The following RNF19B variants were observed in gnomAD, a reference collection of about 807,000 sequenced individuals.
The protein encoded by RNF19B is ring finger protein 19B.
Under a neutral mutation model 65.5 loss-of-function variants are expected in RNF19B, and 23 were observed. The observed-to-expected ratio is 0.35, with a 90% CI of 0.25 to 0.50. RNF19B has a LOEUF of 0.50. Among genes scored for constraint, RNF19B ranks in the 20% least tolerant of loss-of-function variants. The probability of loss-of-function intolerance (pLI) is 0.98; values close to 1 mark genes in which losing one functional copy is unlikely to be tolerated. For synonymous variants in RNF19B, 372 were observed against 379.6 expected (o/e 0.98, Z 0.23); for missense variants, 794 against 980.0 (o/e 0.81, Z 2.53).
At chr1:32,953,005 T>C in intron 1 of RNF19B, among the ~76,000 whole-genome samples, 1 of 150,240 alleles carries the variant, frequency 6.7e-6, no homozygotes, top group Non-Finnish European at 1.5e-5. Flanking sequence ...TCCCACTCTG[T>C]TGCCCAGCTT....
intron 1 of RNF19B, among the ~76,000 whole-genome samples, chr1:32,960,833 CAAA>C (rs1000301037): frequency 6.6e-6 from 1 of 151,856 alleles, no homozygotes; most frequent in Non-Finnish European, 1.5e-5. Flanking sequence ...CCTATCTCTA[CAAA>C]TAATAATAAT....
At chr1:32,955,002 C>T (rs1642600844) in intron 1 of RNF19B, among the ~76,000 whole-genome samples, 1 of 152,118 alleles carries the variant, frequency 6.6e-6, no homozygotes, top group Non-Finnish European at 1.5e-5. Context: ...GTGTCATTTT[C>T]TCTGTAAAAT....
chr1:32,931,539 AG>A (rs1467626313), downstream of RNF19B, among the ~76,000 whole-genome samples: 1 of 152,224 alleles, frequency 6.6e-6, no homozygotes, highest in African/African-American at 2.4e-5. Context: ...AATCCACTCA[AG>A]GGTCCCCATT....
At chr1:32,953,383 G>A (rs194651) in intron 1 of RNF19B, among the ~76,000 whole-genome samples, 28,236 of 151,934 alleles carry the variant, frequency 0.19, 3,372 homozygotes, top group East Asian at 0.25. Flanking sequence ...CTCAAATAAC[G>A]TGTACAAAAA....
downstream of RNF19B, among the ~76,000 whole-genome samples, chr1:32,931,838 A>G (rs1642032593): frequency 6.6e-6 from 1 of 152,242 alleles, no homozygotes; most frequent in African/African-American, 2.4e-5. Flanking sequence ...TTGAGGTGCC[A>G]ACGTCTTTTC....
downstream of RNF19B, among the ~76,000 whole-genome samples, chr1:32,935,803 T>G (rs1796781): frequency 0.16 from 23,675 of 151,544 alleles, 2,693 homozygotes; most frequent in African/African-American, 0.32. Flanking sequence ...CAGTCTGGAG[T>G]TGCAGTGATG....
At chr1:32,955,566 C>CAA (rs201046456) in intron 1 of RNF19B, among the ~76,000 whole-genome samples, 2 of 137,630 alleles carry the variant, frequency 1.5e-5, no homozygotes, top group East Asian at 4.1e-4. Context: ...CCCATCTCTA[C>CAA]AAAAAAAAAA....
At chr1:32,931,095 A>C in the RNF19B span, among the ~76,000 whole-genome samples, 2 of 152,076 alleles carry the variant, frequency 1.3e-5, no homozygotes, top group African/African-American at 4.8e-5. Context: ...CTCCAAAAAA[A>C]AAAAAATTCT....
Position 32,964,323 on chromosome 1 carries a change from C to A in RNF19B, c.363G>T (p.Leu121=). 1 of 1,504,076 alleles carries A rather than the reference C, an allele frequency of 6.6e-7. No individual in the cohort carries two copies. Among genetic ancestry groups the A allele is most frequent in the Non-Finnish European group, 8.8e-7 (1 of 1,132,954 alleles). 93.2% of individuals were successfully genotyped at this position (1,504,076 alleles called of 1,614,324 possible). A position where few individuals can be genotyped will look rare whatever the true frequency, so the allele number is the denominator to read the frequency against. Residue 121 remains leucine (L), a synonymous_variant, in exon 1 of 9, where the codon CTG becomes CTT. Transcript: ENST00000235150. This position sits in a 1 kb window ranked among gnomAD's most constrained non-coding sequence, Gnocchi z 6.5. ...GCTCAGGCGGCAGCCGCACCAGGCA[C>A]AGCGGACACTCCACCTCCTCCGCGC... ...GPGAEEVECP[L]CLVRLPPERA...
chr1:32,958,438 C>T (rs367907941), intron 1 of RNF19B, among the ~76,000 whole-genome samples: 1 of 151,964 alleles, frequency 6.6e-6, no homozygotes, highest in African/African-American at 2.4e-5. Flanking sequence ...TGGAGATGGC[C>T]GGGCGTGGTG....
intron 6 of RNF19B, among the ~76,000 whole-genome samples, chr1:32,942,966 C>T (rs1372382281): frequency 2.0e-5 from 3 of 151,174 alleles, no homozygotes; most frequent in African/African-American, 7.3e-5. Context: ...CGGTGAAACC[C>T]CATCTCTACT....
chr1:32,960,915 A>G (rs1166452422), intron 1 of RNF19B, among the ~76,000 whole-genome samples: 1 of 152,080 alleles, frequency 6.6e-6, no homozygotes, highest in East Asian at 1.9e-4. Context: ...TGAGATGCTG[A>G]GGCAGGAGGA....
At chr1:32,938,323 G>T in intron 8 of RNF19B, 74 bp downstream of exon 8, 1 of 1,484,754 alleles carries the variant, frequency 6.7e-7, no homozygotes, top group Non-Finnish European at 9.4e-7. Context: ...CCTAACATGA[G>T]GCATTGAACT....
At chr1:32,953,493 G>C (rs1169684726) in intron 1 of RNF19B, among the ~76,000 whole-genome samples, 1 of 152,096 alleles carries the variant, frequency 6.6e-6, no homozygotes, top group Non-Finnish European at 1.5e-5. Flanking sequence ...GTTTATCATA[G>C]AGTCTGCAAA....
At chr1:32,954,324 C>A (rs1642583627) in intron 1 of RNF19B, among the ~76,000 whole-genome samples, 1 of 151,800 alleles carries the variant, frequency 6.6e-6, no homozygotes, top group Non-Finnish European at 1.5e-5. Flanking sequence ...ACTCATGAAT[C>A]CACAGCAATC....
intron 1 of RNF19B, among the ~76,000 whole-genome samples, chr1:32,956,883 T>A (rs992715658): frequency 6.6e-6 from 1 of 152,206 alleles, no homozygotes; most frequent in Admixed American, 6.5e-5. Flanking sequence ...AGACCCCTAG[T>A]AGGCATCAGG....
At chr1:32,943,148 AAAAAAG>A (rs1160337606) in intron 6 of RNF19B, among the ~76,000 whole-genome samples, 2 of 151,978 alleles carry the variant, frequency 1.3e-5, no homozygotes, top group African/African-American at 4.8e-5. Context: ...CTCAAAAAAA[AAAAAAG>A]AAAAGAAAAA....
At chr1:32,939,997 C>T (rs1179238178) in intron 7 of RNF19B, among the ~76,000 whole-genome samples, 1 of 152,206 alleles carries the variant, frequency 6.6e-6, no homozygotes, top group Non-Finnish European at 1.5e-5. Context: ...GGGTCAGTAG[C>T]AGCCTGCAGC....
chr1:32,943,720 T>C (rs1270336794), intron 6 of RNF19B, among the ~76,000 whole-genome samples: 1 of 152,212 alleles, frequency 6.6e-6, no homozygotes. Context: ...TAAAATACTC[T>C]GAAAATTATC....
Sources: gnomAD v4.1 joint callset for allele counts (sites outside exome capture counted in the v4.1 genomes callset) on GRCh38, gnomAD v4.1.1 for gene constraint, Gnocchi (gnomAD v3.1) non-coding constraint, MANE v1.5 for transcripts, NCBI Gene and HGNC (gene_info 2026-07-23, HGNC 2026-07-21) for gene names.